UST: variants seen among roughly 807,000 people sequenced by gnomAD.
UST encodes the protein uronyl 2-sulfotransferase, also known as chondroitin sulfate 2-O-sulfotransferase.
UST carries 21 observed loss-of-function variants against 45.6 expected under a neutral mutation model. The observed-to-expected ratio is 0.46, with a 90% CI of 0.33 to 0.66. The LOEUF (loss-of-function observed/expected upper bound fraction) is 0.66, where lower values mean the gene tolerates loss of function less well. Ranked by LOEUF, UST falls within the 30% of genes least tolerant of loss-of-function variation. The pLI is 0.02. For missense variants in UST, 463 were observed against 512.4 expected (o/e 0.90, Z 0.93); for synonymous variants, 215 against 200.6 (o/e 1.07, Z -0.61).
intron 1 of UST, among the ~76,000 whole-genome samples, chr6:148,830,912 T>G (rs1316313845): frequency 3.9e-5 from 6 of 152,188 alleles, no homozygotes; most frequent in Non-Finnish European, 8.8e-5. Context: ...GTGAATGTAT[T>G]TAATGCCACT....
chr6:148,875,018 G>A (rs765415696), intron 1 of UST, among the ~76,000 whole-genome samples: 87 of 152,198 alleles, frequency 5.7e-4, no homozygotes, highest in Non-Finnish European at 1.0e-3. Context: ...GAATCCTGTG[G>A]GAAATGGCTG....
chr6:148,819,629 A>AT (rs1205439556), intron 1 of UST, among the ~76,000 whole-genome samples: 1 of 152,150 alleles, frequency 6.6e-6, no homozygotes, highest in East Asian at 1.9e-4. Context: ...CTGGAGTTGT[A>AT]TTTTTTGCTA....
chr6:148,776,812 G>T (rs1776543196), intron 1 of UST, among the ~76,000 whole-genome samples: 1 of 152,114 alleles, frequency 6.6e-6, no homozygotes, highest in Non-Finnish European at 1.5e-5. Context: ...CTGGAATCTG[G>T]CTGTGATACA....
chr6:148,867,714 C>T (rs1013306949), intron 1 of UST, among the ~76,000 whole-genome samples: 1 of 152,166 alleles, frequency 6.6e-6, no homozygotes, highest in Non-Finnish European at 1.5e-5. Context: ...GATTGTGAGG[C>T]CTCCCCAGCC....
chr6:148,998,025 A>G (rs1781484194), intron 5 of UST, among the ~76,000 whole-genome samples: 1 of 152,204 alleles, frequency 6.6e-6, no homozygotes, highest in African/African-American at 2.4e-5. Context: ...TTGCGTTCTT[A>G]AGCCAAAACT....
In UST at chr6:149,028,096, G is replaced by A. The variant is rs553455545; in HGVS notation, c.937+6615G>A. On this transcript the variant is annotated intron_variant, in intron 7 of 7. Transcript: ENST00000367463. ...TGACCTCAGGTGAGCCACCTGCCTC[G>A]GCCTCCGAAAGTGCTGGGATTACTG... is the stretch of plus-strand genomic sequence containing the variant. Among the ~76,000 whole-genome samples the A allele has an allele frequency of 7.9e-5, 12 of 152,066 alleles. No individual in the cohort carries two copies. The East Asian group carries it at 1.5e-3, about 20-fold the overall frequency.
At chr6:148,811,341 G>A (rs929510188) in intron 1 of UST, among the ~76,000 whole-genome samples, 2 of 152,186 alleles carry the variant, frequency 1.3e-5, no homozygotes, top group Admixed American at 6.5e-5. Flanking sequence ...TGAGGCCTAA[G>A]CTCAAAACCA....
intron 1 of UST, among the ~76,000 whole-genome samples, chr6:148,821,715 A>C (rs1050669924): frequency 3.3e-5 from 5 of 152,314 alleles, no homozygotes; most frequent in Non-Finnish European, 5.9e-5. Flanking sequence ...ATTGGTGCCA[A>C]ATGGTGATTT....
intron 7 of UST, among the ~76,000 whole-genome samples, chr6:149,055,667 A>G (rs1776551543): frequency 6.6e-6 from 1 of 152,082 alleles, no homozygotes. Context: ...AATTCACATA[A>G]TGGCCTTTCT....
intron 1 of UST, among the ~76,000 whole-genome samples, chr6:148,847,163 T>G (rs1778006316): frequency 6.6e-6 from 1 of 152,270 alleles, no homozygotes; most frequent in African/African-American, 2.4e-5. Flanking sequence ...CTTAGCAGCT[T>G]AAAGCAACAC....
intron 6 of UST, among the ~76,000 whole-genome samples, chr6:149,020,596 G>T (rs370528143): frequency 2.6e-5 from 4 of 152,220 alleles, no homozygotes. Context: ...TTACAACAAT[G>T]CTTTGAACTA....
chr6:148,955,343 C>CAAA (rs763308534), intron 4 of UST, among the ~76,000 whole-genome samples: 2 of 152,204 alleles, frequency 1.3e-5, no homozygotes, highest in Non-Finnish European at 2.9e-5. Flanking sequence ...AGGTCCTGTG[C>CAAA]AAGTTAAGTG....
Position 149,073,916 on chromosome 6 carries a change from A to T in UST, c.1021A>T (p.Met341Leu), listed in dbSNP as rs751432219. 1.9e-6 allele frequency: 3 copies of T among 1,614,184 alleles called. No individual in the cohort carries two copies. The highest frequency in any genetic ancestry group is 1.1e-5 in the South Asian group (1 of 91,084). Reference sequence around the variant, plus strand: ...GGCTGTGCAGATCCTCTACCAGCGGATGAGATACGAGTACGAGTTTTACCA... The same window carrying T: ...GGCTGTGCAGATCCTCTACCAGCGGTTGAGATACGAGTACGAGTTTTACCA... ...PEAVQILYQR[M>L]RYEYEFYHYV... is the part of the protein sequence containing the mutation. Residue 341 changes from methionine to leucine, a missense_variant, in exon 8 of 8, where the codon ATG becomes TTG. By Grantham distance (15) the Met-to-Leu change is conservative. Around this residue, in one of 2 missense-constraint regions of UST, gnomAD observed 287 missense variants for 374.2 expected, o/e 0.77. Transcript: ENST00000367463.
At chr6:148,907,492 G>T (rs1034415293) in intron 2 of UST, among the ~76,000 whole-genome samples, 3 of 152,170 alleles carry the variant, frequency 2.0e-5, no homozygotes, top group Non-Finnish European at 2.9e-5. Flanking sequence ...ATTCAGAAGG[G>T]AGATAGGCTG....
intron 1 of UST, among the ~76,000 whole-genome samples, chr6:148,846,021 T>A (rs11155602): frequency 0.27 from 31,382 of 117,542 alleles, 5,341 homozygotes; most frequent in East Asian, 0.79. Flanking sequence ...AGTTCAACCC[T>A]TGTGGAAGTC....
intron 2 of UST, among the ~76,000 whole-genome samples, chr6:148,918,794 T>C (rs1333540087): frequency 6.6e-6 from 1 of 152,198 alleles, no homozygotes; most frequent in African/African-American, 2.4e-5. Context: ...TTTTCTTTAC[T>C]TTCCTTATCT....
intron 2 of UST, among the ~76,000 whole-genome samples, chr6:148,939,258 G>C (rs1371197785): frequency 3.9e-5 from 6 of 152,168 alleles, no homozygotes; most frequent in Admixed American, 1.3e-4. Flanking sequence ...ATATTGTTAA[G>C]GTGGCTGTCG....
intron 1 of UST, among the ~76,000 whole-genome samples, chr6:148,855,162 T>C (rs543934533): frequency 3.7e-4 from 57 of 152,272 alleles, no homozygotes; most frequent in African/African-American, 1.3e-3. Flanking sequence ...CCACTGGGTC[T>C]CTCTCCCTTG....
intron 2 of UST, among the ~76,000 whole-genome samples, chr6:148,917,246 CACCA>C (rs2114889066): frequency 6.6e-6 from 1 of 152,340 alleles, no homozygotes; most frequent in African/African-American, 2.4e-5. Flanking sequence ...CTCTCTCATC[CACCA>C]ACTGTATACA....
Sources: gnomAD v4.1 joint callset for allele counts (sites outside exome capture counted in the v4.1 genomes callset) on GRCh38, gnomAD v4.1.1 for gene constraint, gnomAD v4.1.1 regional missense constraint, MANE v1.5 for transcripts, NCBI Gene and HGNC (gene_info 2026-07-23, HGNC 2026-07-21) for gene names.